Variants in AMBRA1 observed in about 807,000 individuals in gnomAD.
AMBRA1 encodes the protein autophagy and beclin 1 regulator 1, also known as activating molecule in BECN1-regulated autophagy protein 1.
AMBRA1 carries 47 observed loss-of-function variants against 125.4 expected under a neutral mutation model. The observed-to-expected ratio is 0.37, with a 90% CI of 0.30 to 0.48. The LOEUF (loss-of-function observed/expected upper bound fraction) is 0.48, where lower values mean the gene tolerates loss of function less well. AMBRA1 is among the 20% of genes least tolerant of loss of function. AMBRA1 has a pLI of 0.99. For missense variants in AMBRA1, 1,331 were observed against 1,693.4 expected, an observed-to-expected ratio of 0.79 and a Z score of 3.76; for synonymous variants, 626 against 655.5, an observed-to-expected ratio of 0.95 and a Z score of 0.69.
At chr11:46,429,327 C>T (rs11605821) in intron 14 of AMBRA1, among the ~76,000 whole-genome samples, 1 of 152,214 alleles carries the variant, frequency 6.6e-6, no homozygotes, top group Admixed American at 6.5e-5. Flanking sequence ...GGAGCAGCCG[C>T]TAAGGTGGCA....
chr11:46,520,541 C>A (rs1407017705), intron 7 of AMBRA1, among the ~76,000 whole-genome samples: 1 of 152,072 alleles, frequency 6.6e-6, no homozygotes, highest in Non-Finnish European at 1.5e-5. Flanking sequence ...CCTGACTCCT[C>A]CAGCCAGAAG....
At chr11:46,558,844 C>T (rs2043240457) in intron 1 of AMBRA1, among the ~76,000 whole-genome samples, 2 of 152,034 alleles carry the variant, frequency 1.3e-5, no homozygotes, top group Non-Finnish European at 2.9e-5. Context: ...CAATGTCTAG[C>T]GTAGAAGAGC....
At chr11:46,474,625 T>A (rs747781696) in intron 11 of AMBRA1, among the ~76,000 whole-genome samples, 1 of 152,124 alleles carries the variant, frequency 6.6e-6, no homozygotes, top group African/African-American at 2.4e-5. Context: ...AGACCTCAGG[T>A]GATCCACCCA....
chr11:46,403,731 T>C (rs1945871376), intron 17 of AMBRA1, among the ~76,000 whole-genome samples: 1 of 152,162 alleles, frequency 6.6e-6, no homozygotes, highest in South Asian at 2.1e-4. Flanking sequence ...GGAGGGCTCC[T>C]CCTGGAAGGC....
chr11:46,572,369 C>T (rs1279761278), intron 1 of AMBRA1, among the ~76,000 whole-genome samples: 1 of 152,162 alleles, frequency 6.6e-6, no homozygotes, highest in Non-Finnish European at 1.5e-5. Flanking sequence ...GACATAAACC[C>T]AGGGCTCTTA....
intron 1 of AMBRA1, among the ~76,000 whole-genome samples, chr11:46,557,136 CAAA>C (rs760490717): frequency 8.8e-6 from 1 of 113,252 alleles, no homozygotes. Flanking sequence ...AACTCCATCT[CAAA>C]AAAAAAAAAA....
At chr11:46,503,060 C>CA (rs35217088) in intron 9 of AMBRA1, among the ~76,000 whole-genome samples, 5,971 of 30,412 alleles carry the variant, frequency 0.2, 926 homozygotes, top group Non-Finnish European at 0.33. Flanking sequence ...GACTCTGTCT[C>CA]AAAAAAAAAA....
intron 14 of AMBRA1, among the ~76,000 whole-genome samples, chr11:46,431,047 T>C (rs1427168893): frequency 6.6e-6 from 1 of 152,192 alleles, no homozygotes; most frequent in Non-Finnish European, 1.5e-5. Context: ...GGACATTTGC[T>C]GAGTGATCTG....
intron 17 of AMBRA1, among the ~76,000 whole-genome samples, chr11:46,401,925 G>A (rs1360584766): frequency 6.6e-6 from 1 of 152,130 alleles, no homozygotes; most frequent in Non-Finnish European, 1.5e-5. Flanking sequence ...AGGGCTCTCT[G>A]GCCAGACCCT....
intron 7 of AMBRA1, among the ~76,000 whole-genome samples, chr11:46,531,027 G>A (rs1952191679): frequency 1.3e-5 from 2 of 152,054 alleles, no homozygotes; most frequent in South Asian, 4.2e-4. Context: ...GGGAAAACAG[G>A]TGCCTGCCAC....
chr11:46,405,429 G>C (rs559691214), intron 17 of AMBRA1, among the ~76,000 whole-genome samples: 84 of 152,270 alleles, frequency 5.5e-4, no homozygotes, highest in African/African-American at 2.0e-3. Context: ...AATCAGAAAG[G>C]GCTGCCCAGC....
intron 16 of AMBRA1, 29 bp from the exon 17 acceptor site, chr11:46,408,735 G>A (rs764273792): frequency 1.3e-6 from 2 of 1,502,384 alleles, no homozygotes; most frequent in Non-Finnish European, 8.9e-7. Flanking sequence ...ACTAAAGTCA[G>A]ATGGGGCTTG....
intron 1 of AMBRA1, among the ~76,000 whole-genome samples, chr11:46,580,648 C>T (rs1405717676): frequency 6.6e-6 from 1 of 152,206 alleles, no homozygotes; most frequent in Non-Finnish European, 1.5e-5. Flanking sequence ...AATCTTTCTA[C>T]TTCTATCTCC....
At chr11:46,427,875 G>T (rs568681521) in intron 14 of AMBRA1, among the ~76,000 whole-genome samples, 5 of 152,162 alleles carry the variant, frequency 3.3e-5, no homozygotes, top group African/African-American at 1.2e-4. Context: ...CGGGAGTGGT[G>T]GCGAGTGCCT....
intron 8 of AMBRA1, among the ~76,000 whole-genome samples, chr11:46,510,331 A>C (rs1951208291): frequency 6.6e-6 from 1 of 152,186 alleles, no homozygotes; most frequent in Admixed American, 6.5e-5. Context: ...CAGAATCCTA[A>C]ATTTTCAACC....
chr11:46,444,943 T>A (rs527500096), intron 11 of AMBRA1, among the ~76,000 whole-genome samples: 1 of 152,116 alleles, frequency 6.6e-6, no homozygotes, highest in South Asian at 2.1e-4. Flanking sequence ...ATTTTCAATT[T>A]GTAAGGAAAA....
intron 3 of AMBRA1, 152 bp from the exon 4 acceptor site, chr11:46,547,448 G>A: frequency 1.5e-6 from 1 of 670,270 alleles, no homozygotes; most frequent in South Asian, 2.4e-5. Context: ...TCTACAAACA[G>A]AAATATTCTG....
At chr11:46,583,670 A>AAAAAAAAAAAAAC (rs2044260804) in intron 1 of AMBRA1, among the ~76,000 whole-genome samples, 2 of 144,010 alleles carry the variant, frequency 1.4e-5, no homozygotes, top group African/African-American at 5.3e-5. Context: ...AAAAAAAAAA[A>AAAAAAAAAAAAAC]AAAAAAAAAC....
At chr11:46,552,093 G>T (rs1431821477) in intron 1 of AMBRA1, among the ~76,000 whole-genome samples, 2 of 151,334 alleles carry the variant, frequency 1.3e-5, no homozygotes, top group Non-Finnish European at 2.9e-5. Context: ...ATGAGGCCAG[G>T]CATGGTGGCT....
Sources: gnomAD v4.1 joint callset for allele counts (sites outside exome capture counted in the v4.1 genomes callset) on GRCh38, gnomAD v4.1.1 for gene constraint, MANE v1.5 for transcripts, NCBI Gene and HGNC (gene_info 2026-07-23, HGNC 2026-07-21) for gene names.